ODF2: variants seen among roughly 807,000 people sequenced by gnomAD.
The protein encoded by ODF2 is outer dense fiber protein 2.
In ODF2, 47 loss-of-function variants were observed where a neutral mutation model predicts 110.2. That is an observed-to-expected ratio of 0.43 (90% CI 0.34 to 0.54). ODF2 has a LOEUF of 0.54. Among genes scored for constraint, ODF2 ranks in the 20% least tolerant of loss-of-function variants. ODF2 has a pLI of 0.03. For missense variants in ODF2, 812 were observed against 1,054.5 expected (o/e 0.77, Z 3.19); for synonymous variants, 352 against 397.7 (o/e 0.89, Z 1.37).
chr9:128,458,461 C>CA (rs55782363), intron 2 of ODF2, among the ~76,000 whole-genome samples: 2,146 of 71,988 alleles, frequency 0.03, 45 homozygotes, highest in East Asian at 0.072. Flanking sequence ...GACTCTATCT[C>CA]AAAAAAAAAA....
At position 128,456,302 on chromosome 9, in the gene ODF2, C is replaced by A. The variant is rs761970263; in HGVS notation, c.-209+47C>A. 4 of 1,494,578 alleles carry A rather than the reference C, an allele frequency of 2.7e-6. No individual in the cohort carries two copies. The Admixed American group carries it at 1.1e-4, about 40-fold the overall frequency. 92.6% of individuals were successfully genotyped at this position (1,494,578 alleles called of 1,614,324 possible). On this transcript the variant is annotated intron_variant, in intron 1 of 20. Transcript: ENST00000604420. ...GGATCCAGCGCCCTCCGGGGCACCG[C>A]GGGCGAGACCGTCGCCTTCGCACCC...
intron 14 of ODF2, 82 bp downstream of exon 14, chr9:128,488,107 G>T: frequency 6.5e-7 from 1 of 1,526,812 alleles, no homozygotes; most frequent in Non-Finnish European, 9.0e-7. Flanking sequence ...TGGGCCTGGG[G>T]GCATCTTGAC....
chr9:128,471,170 T>C, intron 5 of ODF2, 138 bp from the exon 6 acceptor site: 1 of 805,882 alleles, frequency 1.2e-6, no homozygotes. Flanking sequence ...CACCTTGGCC[T>C]CCCAAAGTGC....
intron 19 of ODF2, 28 bp downstream of exon 19, chr9:128,498,603 C>T: frequency 6.9e-6 from 9 of 1,301,762 alleles, no homozygotes; most frequent in Non-Finnish European, 9.7e-6. Context: ...GAATGACTAG[C>T]TCTGTGACCT....
chr9:128,492,852 T>G, intron 16 of ODF2, 47 bp downstream of exon 16: 1 of 1,493,578 alleles, frequency 6.7e-7, no homozygotes, highest in Non-Finnish European at 9.3e-7. Flanking sequence ...ATTCCATATC[T>G]AACTCAATGA....
intron 8 of ODF2, among the ~76,000 whole-genome samples, chr9:128,479,738 A>T (rs1429906107): frequency 6.6e-6 from 1 of 152,164 alleles, no homozygotes; most frequent in African/African-American, 2.4e-5. Context: ...GGGAGAGGTT[A>T]AAAATGGCAG....
intron 8 of ODF2, among the ~76,000 whole-genome samples, chr9:128,480,152 G>C (rs1842132743): frequency 6.6e-6 from 1 of 152,012 alleles, no homozygotes. Context: ...AGGTTAAAAT[G>C]ACAAGTTTTA....
chr9:128,457,127 C>T lies in ODF2; in HGVS notation c.-208-71C>T, dbSNP rs373623807. The T allele has an allele frequency of 2.8e-6, 4 of 1,441,192 alleles. 1 individual carries two copies. The South Asian group carries it at 4.9e-5, about 18-fold the overall frequency. 89.3% of individuals were successfully genotyped at this position (1,441,192 alleles called of 1,614,324 possible). On this transcript the variant is annotated intron_variant, in intron 1 of 20. Transcript: ENST00000604420. The stretch of plus-strand genomic sequence containing the variant: ...GTGGTCCTTTCCCTCGCGGTTCTGC[C>T]CCGTCCCCTCCCCTTCCTCCCCTCT...
chr9:128,461,316 G>A (rs2131496573), intron 4 of ODF2: 1 of 495,498 alleles, frequency 2.0e-6, no homozygotes, highest in East Asian at 3.4e-5. Flanking sequence ...TTTTCCCAGA[G>A]TCACAGAGAA....
intron 6 of ODF2, among the ~76,000 whole-genome samples, chr9:128,472,136 C>T (rs756605787): frequency 4.6e-5 from 7 of 151,994 alleles, no homozygotes; most frequent in Non-Finnish European, 1.0e-4. Flanking sequence ...AAAATTAAGC[C>T]GGGCGTCGCG....
rs1187690314 is a variant in ODF2 at position 128,497,444 on chromosome 9, AAAATATATATATATATATATAT to A, written c.2013-967_2013-946del. ...CTACTAAAAAAAAAAAAAAAAAAAA[AAAATATATATATATATATATAT>A]ATATATATATATATATATATGTATA... On this transcript the variant is annotated intron_variant, in intron 18 of 20. Coordinates refer to ENST00000604420, the Ensembl canonical transcript of ODF2. 6.5e-4 allele frequency: 47 copies of A among 72,256 alleles called. 4 individuals carry two copies. In the East Asian group the frequency reaches 0.016, roughly 24 times the overall value. The allele number at this position is 72,256 out of a possible 1,614,324, so 4.5% of individuals were successfully genotyped here. A position where few individuals can be genotyped will look rare whatever the true frequency, so the allele number is the denominator to read the frequency against.
intron 17 of ODF2, among the ~76,000 whole-genome samples, chr9:128,495,636 C>A (rs1408896121): frequency 2.0e-5 from 3 of 152,164 alleles, no homozygotes; most frequent in Non-Finnish European, 4.4e-5. Context: ...TGCACTTGTC[C>A]CCAGTTAAGA....
intron 3 of ODF2, 103 bp from the exon 4 acceptor site, chr9:128,460,839 A>G: frequency 6.5e-7 from 1 of 1,547,468 alleles, no homozygotes. Flanking sequence ...CAGCAGTAAC[A>G]TTAGTCAGAA....
At chr9:128,456,039 C>T, upstream of ODF2, 1 of 1,475,780 alleles carries the variant, frequency 6.8e-7, no homozygotes, top group South Asian at 1.3e-5. Flanking sequence ...ACGCTAGGGG[C>T]TGGGCCTCGA....
chr9:128,474,462 T>C (rs9299321), intron 8 of ODF2, among the ~76,000 whole-genome samples: 149,920 of 151,726 alleles, frequency 0.99, 74,090 homozygotes, highest in Middle Eastern at 1. Flanking sequence ...CACTGCACTC[T>C]AGCCTGGGCG....
At chr9:128,473,123 G>T in intron 7 of ODF2, 81 bp downstream of exon 7, 2 of 1,588,598 alleles carry the variant, frequency 1.3e-6, no homozygotes, top group Non-Finnish European at 1.7e-6. Flanking sequence ...GTCTTTACGC[G>T]TCATCAGGCA....
chr9:128,459,291 G>T (rs1374212546), intron 2 of ODF2, among the ~76,000 whole-genome samples: 1 of 152,204 alleles, frequency 6.6e-6, no homozygotes, highest in East Asian at 1.9e-4. Flanking sequence ...CATCTGACAG[G>T]ATGTCAGCTA....
intron 4 of ODF2, among the ~76,000 whole-genome samples, chr9:128,466,317 AT>A (rs1214471652): frequency 6.6e-6 from 1 of 151,930 alleles, no homozygotes; most frequent in Non-Finnish European, 1.5e-5. Flanking sequence ...AATACAAAAA[AT>A]TAGCCCAGTG....
At chr9:128,456,156 C>T (rs1430833932) in exon 1 of ODF2, 3 of 1,549,168 alleles carry the variant, frequency 1.9e-6, no homozygotes, top group South Asian at 1.2e-5. Flanking sequence ...GCTGCCAGAG[C>T]CAGACTGCAT....
Sources: gnomAD v4.1 joint callset for allele counts (sites outside exome capture counted in the v4.1 genomes callset) on GRCh38, gnomAD v4.1.1 for gene constraint, MANE v1.5 for transcripts, NCBI Gene and HGNC (gene_info 2026-07-23, HGNC 2026-07-21) for gene names.